AURKB: variants seen among roughly 807,000 people sequenced by gnomAD.
AURKB encodes the protein aurora kinase B-Sv1.
A neutral mutation model predicts 36.5 loss-of-function variants in AURKB; 28 were observed. The observed-to-expected ratio is 0.77, with a 90% CI of 0.57 to 1.05. AURKB has a LOEUF of 1.05. AURKB is among the 50% of genes least tolerant of loss of function. AURKB has a pLI of 0.00. For missense variants in AURKB, 383 were observed against 447.4 expected (o/e 0.86, Z 1.30); for synonymous variants, 175 against 172.9 (o/e 1.01, Z -0.09).
chr17:8,210,443 G>T, intron 1 of AURKB, 87 bp downstream of exon 1: 1 of 573,906 alleles, frequency 1.7e-6, no homozygotes, highest in South Asian at 2.2e-5. Context: ...CCTGCGGCGT[G>T]CGCGCAGGCC....
At position 8,206,152 on chromosome 17, in the gene AURKB, A is replaced by G. The variant is rs1430016790; in HGVS notation, c.686+339T>C. On this transcript the variant is annotated intron_variant, in intron 7 of 8. Coordinates refer to ENST00000585124, the MANE Select transcript of AURKB (RefSeq NM_004217.4). The surrounding 1 kb of genome is among the most constrained non-coding windows in gnomAD (Gnocchi z 4.2). The stretch of plus-strand genomic sequence containing the variant: ...ACCATTTTTTTTTTTTTTTTTTGAG[A>G]CAGAGTCTCGATCTGTCACACAGGC... 2.8e-5 allele frequency among the ~76,000 whole-genome samples: 3 copies of G among 107,128 alleles called. No homozygotes were observed. The highest frequency in any genetic ancestry group is 6.8e-5 in the Non-Finnish European group (3 of 43,866). 70.3% of individuals were successfully genotyped at this position (107,128 alleles called of 152,430 possible). A position where few individuals can be genotyped will look rare whatever the true frequency, so the allele number is the denominator to read the frequency against.
chr17:8,206,835 T>C lies in AURKB; in HGVS notation c.452A>G (p.Tyr151Cys), dbSNP rs1162727792. 5 of 1,614,158 alleles carry C rather than the reference T, an allele frequency of 3.1e-6. No individual in the cohort carries two copies. The African/African-American group carries it at 5.3e-5, about 17-fold the overall frequency. Residue 151 changes from tyrosine (Y) to cysteine (C), a missense_variant, in exon 6 of 9, where the codon TAC (tyrosine) becomes TGC (cysteine). Coordinates refer to ENST00000585124, the MANE Select transcript of AURKB (RefSeq NM_004217.4). The surrounding 1 kb of genome is among the most constrained non-coding windows in gnomAD (Gnocchi z 4.2). ...GCGGGGGGCATACTCTAGAATCAAGTAGATCCTCCTCCGGTCATAAAAATA... is the reference window on the plus strand; with the variant it reads ...GCGGGGGGCATACTCTAGAATCAAGCAGATCCTCCTCCGGTCATAAAAATA... ...YNYFYDRRRI[Y>C]LILEYAPRGE...
Position 8,206,685 on chromosome 17 carries a change from C to G in AURKB, c.538-46G>C, listed in dbSNP as rs375717237. The G allele has an allele frequency of 4.3e-6, 7 of 1,613,662 alleles. No individual in the cohort carries two copies. The highest frequency in any genetic ancestry group is 2.2e-5 in the East Asian group (1 of 44,872). On this transcript the variant is annotated intron_variant, in intron 6 of 8. Transcript: ENST00000585124. The surrounding 1 kb of genome is among the most constrained non-coding windows in gnomAD (Gnocchi z 4.2). ...CAATCAGACAAGGATGGACCTCCAG[C>G]TACAAGCAGCACACCCTCAGCCTCG... is the stretch of plus-strand genomic sequence containing the variant.
chr17:8,209,619 C>A (rs541572270), intron 2 of AURKB, among the ~76,000 whole-genome samples: 1 of 152,130 alleles, frequency 6.6e-6, no homozygotes, highest in South Asian at 2.1e-4. Flanking sequence ...AGAAATAGAC[C>A]CACATATATG....
At chr17:8,210,367 A>G in intron 1 of AURKB, 118 bp from the exon 2 acceptor site, 1 of 735,670 alleles carries the variant, frequency 1.4e-6, no homozygotes, top group East Asian at 2.8e-5. Context: ...AGGTCAGCAC[A>G]CTAGCCCCAA....
intron 8 of AURKB, 73 bp from the exon 9 acceptor site, chr17:8,205,117 T>C: frequency 6.5e-7 from 1 of 1,544,952 alleles, no homozygotes; most frequent in Non-Finnish European, 8.7e-7. Context: ...ACCCATTCTG[T>C]TTGGAGTTAC....
chr17:8,210,294 A>G, intron 1 of AURKB, 45 bp from the exon 2 acceptor site: 1 of 1,398,490 alleles, frequency 7.2e-7, no homozygotes, highest in Middle Eastern at 1.8e-4. Flanking sequence ...AGAAAAAGAG[A>G]GAGAGAGGGA....
intron 2 of AURKB, chr17:8,208,270 CAAAAA>C (rs781575184): frequency 1.1e-3 from 170 of 156,100 alleles, no homozygotes; most frequent in South Asian, 2.3e-3. Flanking sequence ...ACTAAAAATA[CAAAAA>C]TTAGCTGGCC....
At position 8,206,447 on chromosome 17, in the gene AURKB, T is replaced by C. The variant is rs746311448; in HGVS notation, c.686+44A>G. The C allele has an allele frequency of 1.2e-6, 2 of 1,611,338 alleles. No homozygotes were observed. The highest frequency in any genetic ancestry group is 4.5e-5 in the East Asian group (2 of 44,838). On this transcript the variant is annotated intron_variant, in intron 7 of 8. Coordinates refer to ENST00000585124, the MANE Select transcript of AURKB (RefSeq NM_004217.4). The surrounding 1 kb of genome is among the most constrained non-coding windows in gnomAD (Gnocchi z 4.2). ...TGCACGGCCCCTGGAGAGGTTTTAATGGCCCAGCCTCACACCCAGGTCTGG... is the reference window on the plus strand; with the variant it reads ...TGCACGGCCCCTGGAGAGGTTTTAACGGCCCAGCCTCACACCCAGGTCTGG...
At chr17:8,205,969 C>T (rs961065787) in intron 7 of AURKB, among the ~76,000 whole-genome samples, 3 of 151,788 alleles carry the variant, frequency 2.0e-5, no homozygotes, top group Non-Finnish European at 2.9e-5. Context: ...CAGGCTGGTC[C>T]GCTGGTCTTG....
In AURKB at chr17:8,207,779, G is replaced by T; in HGVS notation, c.110C>A (p.Ser37Tyr). ...GGAGCGGCTCATGAGGACAAGTGCA[G>T]ATGGGGTGACAGGCTCTTTCCGGAG... ...RVLRKEPVTP[S>Y]ALVLMSRSNV... The change falls in exon 3 of 9, where the codon TCT becomes TAT. Residue 37 changes from serine (S) to tyrosine (Y), a missense_variant. Ser to Tyr is a moderately radical substitution (Grantham distance 144). Transcript: ENST00000585124. The T allele has an allele frequency of 6.2e-7, 1 of 1,614,196 alleles. No homozygotes were observed. Among genetic ancestry groups the T allele is most frequent in the South Asian group, 1.1e-5 (1 of 91,086 alleles).
chr17:8,207,489 C>A, intron 4 of AURKB, 82 bp downstream of exon 4: 1 of 1,571,750 alleles, frequency 6.4e-7, no homozygotes, highest in South Asian at 1.2e-5. Context: ...CTACTCCTCC[C>A]GTGCTTAGGT....
intron 5 of AURKB, 75 bp downstream of exon 5, chr17:8,207,101 G>C: frequency 1.3e-6 from 2 of 1,529,920 alleles, no homozygotes; most frequent in African/African-American, 1.4e-5. Flanking sequence ...AAGCAATCTG[G>C]ATGAAGTGGG....
At chr17:8,210,302 G>A (rs1056224837) in intron 1 of AURKB, 53 bp from the exon 2 acceptor site, 4 of 1,323,570 alleles carry the variant, frequency 3.0e-6, no homozygotes, top group Middle Eastern at 1.8e-4. Context: ...AGAGAGAGAG[G>A]GAGGGGTTGG....
At chr17:8,207,666 C>T (rs1247230143) in intron 3 of AURKB, 41 bp from the exon 4 acceptor site, 1 of 1,612,078 alleles carries the variant, frequency 6.2e-7, no homozygotes, top group Admixed American at 1.7e-5. Flanking sequence ...ACAGGGATGA[C>T]CTTCTCATCC....
chr17:8,207,361 G>A lies in AURKB; in HGVS notation c.213C>T (p.His71=). 1.9e-6 allele frequency: 3 copies of A among 1,612,442 alleles called. No homozygotes were observed. Among genetic ancestry groups the A allele is most frequent in the Non-Finnish European group, 2.5e-6 (3 of 1,178,580 alleles). ...CAATCTCAAAGTCATCAATTGTGAA[G>A]TGCCGCCTGCTTAGAAAGTGGAGGA... is the stretch of plus-strand genomic sequence containing the variant. ...SSGTPDILTR[H]FTIDDFEIGR... Residue 71 remains histidine (H), a synonymous_variant, in exon 5 of 9, where the codon CAC becomes CAT. Transcript: ENST00000585124.
In AURKB at chr17:8,205,224, T is replaced by C. The variant is rs1388038760; in HGVS notation, c.853A>G (p.Ile285Val). The C allele has an allele frequency of 1.2e-6, 2 of 1,612,394 alleles. No homozygotes were observed. Among genetic ancestry groups the C allele is most frequent in the East Asian group, 2.2e-5 (1 of 44,842 alleles). The change falls in exon 8 of 9, where the codon ATC (isoleucine) becomes GTC (valine). Residue 285 changes from isoleucine to valine, a missense_variant. This residue lies in a region of AURKB where 219 missense variants were observed against 252.6 expected (regional missense o/e 0.87). Coordinates refer to ENST00000585124, the MANE Select transcript of AURKB (RefSeq NM_004217.4). ...CCAGGCCGCCCTCCCACCTTGACGATGCGGCGATAGGTCTCGTTGTGTGAT... is the reference window on the plus strand; with the variant it reads ...CCAGGCCGCCCTCCCACCTTGACGACGCGGCGATAGGTCTCGTTGTGTGAT... ...SASHNETYRR[I>V]VKVDLKFPAS... is the part of the protein sequence containing the mutation.
rs746570349 is a variant in AURKB at position 8,204,912 on chromosome 17, G to A, written c.994C>T (p.Arg332Trp). 23 of 1,606,938 alleles carry A rather than the reference G, an allele frequency of 1.4e-5. No homozygotes were observed. The highest frequency in any genetic ancestry group is 1.7e-4 in the Middle Eastern group (1 of 6,018). The change falls in exon 9 of 9, where the codon CGG becomes TGG. Residue 332 changes from arginine to tryptophan, a missense_variant. Around this residue, in one of 3 missense-constraint regions of AURKB, gnomAD observed 219 missense variants for 252.6 expected, o/e 0.87. Transcript: ENST00000585124. ...AGGGCAGAGGGAGGCAGCACCCTCC[G>A]AGAGTTGGCCCGGACCCAAGGGTGG... ...SAHPWVRANSRRVLPPSALQS... is the reference protein window; with the variant it reads ...SAHPWVRANSWRVLPPSALQS...
At chr17:8,207,932 G>T in intron 2 of AURKB, 92 bp from the exon 3 acceptor site, 3 of 1,039,704 alleles carry the variant, frequency 2.9e-6, no homozygotes, top group Non-Finnish European at 4.2e-6. Context: ...CCTTGCTAAA[G>T]AGCCACCCAC....
Sources: gnomAD v4.1 joint callset for allele counts (sites outside exome capture counted in the v4.1 genomes callset) on GRCh38, gnomAD v4.1.1 for gene constraint, gnomAD v4.1.1 regional missense constraint, Gnocchi (gnomAD v3.1) non-coding constraint, MANE v1.5 for transcripts, NCBI Gene and HGNC (gene_info 2026-07-23, HGNC 2026-07-21) for gene names.